Variants in EPHA10 observed in about 807,000 individuals in gnomAD.
EPHA10 encodes the protein EPH receptor A10.
In EPHA10, 120 loss-of-function variants were observed where a neutral mutation model predicts 109.7. The ratio of observed to expected loss-of-function variants is 1.09; its 90% CI spans 0.94 to 1.27. The LOEUF (loss-of-function observed/expected upper bound fraction) is 1.27. Among genes scored for constraint, EPHA10 ranks in the 50% most tolerant of loss-of-function variants. The pLI is 0.00. For missense variants in EPHA10, 1,396 were observed against 1,411.1 expected, an observed-to-expected ratio of 0.99 and a Z score of 0.17; for synonymous variants, 640 against 618.9, an observed-to-expected ratio of 1.03 and a Z score of -0.51.
At chr1:37,743,834 T>C (rs1036669860) in intron 5 of EPHA10, among the ~76,000 whole-genome samples, 1 of 152,162 alleles carries the variant, frequency 6.6e-6, no homozygotes, top group Admixed American at 6.5e-5. Flanking sequence ...TTTCAACTTA[T>C]AATAAGCCCA....
chr1:37,720,551 G>A lies in EPHA10; in HGVS notation c.2212C>T (p.His738Tyr). Residue 738 changes from histidine to tyrosine, a missense_variant, in exon 13 of 17, where the codon CAC becomes TAC. His to Tyr is a moderately conservative substitution (Grantham distance 83). Coordinates refer to ENST00000373048, the MANE Select transcript of EPHA10 (RefSeq NM_001099439.2). ...HGALDGFLRR[H>Y]EGQLVAGQLM... The stretch of plus-strand genomic sequence containing the variant: ...TGCCCAGCCACCAGCTGCCCCTCGT[G>A]CCGCTGTGGAGGGAGAAGACTGAGG... 1.2e-6 allele frequency: 2 copies of A among 1,609,332 alleles called. No individual in the cohort carries two copies. Among genetic ancestry groups the A allele is most frequent in the Non-Finnish European group, 1.7e-6 (2 of 1,178,070 alleles).
In EPHA10 at chr1:37,748,214, C is replaced by T. The variant is rs142940072; in HGVS notation, c.1357+4662G>A. On this transcript the variant is annotated intron_variant, in intron 5 of 16. Transcript: ENST00000373048. ...TGTTTACTAAAAATACAAAAATTAG[C>T]TGGGCGTGGTGGTGGTTGCCTATAA... is the stretch of plus-strand genomic sequence containing the variant. Among the ~76,000 whole-genome samples the T allele has an allele frequency of 5.0e-3, 764 of 152,180 alleles. 6 individuals carry two copies. The highest frequency in any genetic ancestry group is 0.017 in the African/African-American group (723 of 41,508).
chr1:37,719,565 T>C lies in EPHA10; in HGVS notation c.2605A>G (p.Arg869Gly), dbSNP rs956776760. The change falls in exon 15 of 17, where the codon AGG becomes GGG. Residue 869 changes from arginine (R) to glycine (G), a missense_variant. By Grantham distance (125) the Arg-to-Gly change is moderately radical (BLOSUM62 -2). Transcript: ENST00000373048. ...CGGTGCAGAAGGTTAGGACAGTTCC[T>C]GGGGGGTGGCAGCCGGAAGCCATCC... is the stretch of plus-strand genomic sequence containing the variant. ...VEDGFRLPPP[R>G]NCPNLLHRLM... 3 of 1,613,638 alleles carry C rather than the reference T, an allele frequency of 1.9e-6. No homozygotes were observed. The highest frequency in any genetic ancestry group is 1.3e-5 in the African/African-American group (1 of 74,882).
Position 37,752,882 on chromosome 1 carries a change from G to A in EPHA10, c.1351C>T (p.Pro451Ser). The change falls in exon 5 of 17, where the codon CCC becomes TCC. Residue 451 changes from proline (P) to serine (S), a missense_variant. Coordinates refer to ENST00000373048, the MANE Select transcript of EPHA10 (RefSeq NM_001099439.2). Reference sequence around the variant, plus strand: ...GGGGCGCGGACGGCCTTACCCCCGGGCCCGGTGGAGACGGTGACCTGCGCG... The same window carrying A: ...GGGGCGCGGACGGCCTTACCCCCGGACCCGGTGGAGACGGTGACCTGCGCG... ...TYAQVTVSTGPGAPWEEDEIR... is the reference protein window; with the variant it reads ...TYAQVTVSTGSGAPWEEDEIR... The A allele has an allele frequency of 2.3e-6, 3 of 1,295,990 alleles. No homozygotes were observed. The highest frequency in any genetic ancestry group is 2.3e-5 in the South Asian group (1 of 43,248). The allele number at this position is 1,295,990 out of a possible 1,614,324, so 80.3% of individuals were successfully genotyped here.
intron 6 of EPHA10, chr1:37,734,550 A>G (rs977281727): frequency 4.7e-6 from 2 of 421,246 alleles, no homozygotes; most frequent in Non-Finnish European, 9.3e-6. Context: ...AAATAAATAA[A>G]TAAATAAATA....
At chr1:37,719,834 C>A in intron 14 of EPHA10, 75 bp downstream of exon 14, 1 of 1,607,874 alleles carries the variant, frequency 6.2e-7, no homozygotes. Context: ...TGAGGGCCAA[C>A]GGGCAGAGGT....
At chr1:37,718,547 G>A in intron 16 of EPHA10, 61 bp from the exon 17 acceptor site, 1 of 1,610,846 alleles carries the variant, frequency 6.2e-7, no homozygotes, top group Non-Finnish European at 8.5e-7. Flanking sequence ...CTCCCATGAA[G>A]GCCCTCCACT....
chr1:37,757,667 T>TTCTC (rs768332938), intron 3 of EPHA10, among the ~76,000 whole-genome samples: 1 of 151,186 alleles, frequency 6.6e-6, no homozygotes, highest in Non-Finnish European at 1.5e-5. Context: ...CTGAGTCTCT[T>TTCTC]TCTCTCTCTC....
intron 15 of EPHA10, 53 bp from the exon 16 acceptor site, chr1:37,718,869 C>T: frequency 1.3e-6 from 2 of 1,549,378 alleles, no homozygotes; most frequent in Non-Finnish European, 1.7e-6. Context: ...GGGCCCACAC[C>T]TGGTGGTCTC....
chr1:37,761,699 G>A lies in EPHA10; in HGVS notation c.556C>T (p.Arg186Trp), dbSNP rs1376015481. The A allele has an allele frequency of 6.2e-6, 10 of 1,612,826 alleles. No homozygotes were observed. In the South Asian group the frequency reaches 9.9e-5, roughly 16 times the overall value. Residue 186 changes from arginine (R) to tryptophan (W), a missense_variant, in exon 3 of 17, where the codon CGG becomes TGG. Transcript: ENST00000373048. The stretch of plus-strand genomic sequence containing the variant: ...TCCTGAAAGGCCAGGTGGAAACCCC[G>A]CCGGCTGAGCGGTCCGATCTCGCGC... ...EVREIGPLSR[R>W]GFHLAFQDVG...
chr1:37,753,745 C>A (rs1646366165), intron 4 of EPHA10, among the ~76,000 whole-genome samples: 1 of 147,748 alleles, frequency 6.8e-6, no homozygotes, highest in Non-Finnish European at 1.5e-5. Flanking sequence ...GGGGCTTGCC[C>A]CGGGAAGGGT....
rs146018805 is a variant in EPHA10, at chr1:37,751,122, G to A, written c.1357+1754C>T. Among the ~76,000 whole-genome samples, 1,088 of 142,106 alleles carry A rather than the reference G, an allele frequency of 7.7e-3. 9 individuals carry two copies. Among genetic ancestry groups the A allele is most frequent in the Non-Finnish European group, 9.8e-3 (649 of 66,182 alleles). The allele number at this position is 142,106 out of a possible 152,430, so 93.2% of individuals were successfully genotyped here. A position where few individuals can be genotyped will look rare whatever the true frequency, so the allele number is the denominator to read the frequency against. On this transcript the variant is annotated intron_variant, in intron 5 of 16. Coordinates refer to ENST00000373048, the MANE Select transcript of EPHA10 (RefSeq NM_001099439.2). ...CAGGAGGCTGAGGCAGGAGAATGGC[G>A]TGAACCCCAGACGCGGAGCTTGTAG...
At chr1:37,760,737 G>A (rs949006193) in intron 3 of EPHA10, 3 of 199,322 alleles carry the variant, frequency 1.5e-5, no homozygotes, top group Non-Finnish European at 3.1e-5. Context: ...TTGCAAGTGA[G>A]GTACTAATCT....
At position 37,720,782 on chromosome 1, in the gene EPHA10, C is replaced by A; in HGVS notation, c.2208+1G>T. The A allele has an allele frequency of 6.2e-7, 1 of 1,614,054 alleles. No homozygotes were observed. On this transcript the variant is annotated splice_donor_variant, in intron 12 of 16. Transcript: ENST00000373048. LOFTEE classifies it high-confidence loss of function. Reference sequence around the variant, plus strand: ...TCATTGGCAGCCCCAGGGCCACTCACCCTGAGGAAGCCGTCCAGGGCCCCA... The same window carrying A: ...TCATTGGCAGCCCCAGGGCCACTCAACCTGAGGAAGCCGTCCAGGGCCCCA...
In EPHA10 at chr1:37,731,351, C is replaced by T. The variant is rs1031628744; in HGVS notation, c.1663+60G>A. On this transcript the variant is annotated intron_variant, in intron 7 of 16. Transcript: ENST00000373048. ...TCTCCCCCTCTATTTGTCTCCCTAC[C>T]TCAGCCCCGTGCAGGGTTCTCTCTG... 47 of 1,486,574 alleles carry T rather than the reference C, an allele frequency of 3.2e-5. No individual in the cohort carries two copies. The South Asian group carries it at 5.2e-4, about 16-fold the overall frequency. 92.1% of individuals were successfully genotyped at this position (1,486,574 alleles called of 1,614,324 possible). A position where few individuals can be genotyped will look rare whatever the true frequency, so the allele number is the denominator to read the frequency against.
intron 6 of EPHA10, among the ~76,000 whole-genome samples, chr1:37,734,360 C>T (rs944982367): frequency 6.6e-6 from 1 of 152,016 alleles, no homozygotes; most frequent in Non-Finnish European, 1.5e-5. Context: ...ACGATGAAAC[C>T]TCGTCTCTAC....
rs551300729 is a variant in EPHA10, at chr1:37,717,738, G to A, written c.*634C>T. 4.3e-5 allele frequency: 10 copies of A among 231,412 alleles called. No individual in the cohort carries two copies. Among genetic ancestry groups the A allele is most frequent in the Non-Finnish European group, 8.5e-5 (10 of 117,004 alleles). The allele number at this position is 231,412 out of a possible 1,614,324, so 14.3% of individuals were successfully genotyped here. ...TGTCAGCCCAAGGCAGGGGGACACA[G>A]AAACCAGATCCTGAGTCTAGGGCTC... On this transcript the variant is annotated 3_prime_UTR_variant, in exon 17 of 17. Transcript: ENST00000373048.
chr1:37,745,903 C>G (rs950856395), intron 5 of EPHA10, among the ~76,000 whole-genome samples: 23 of 151,906 alleles, frequency 1.5e-4, no homozygotes, highest in Admixed American at 1.5e-3. Flanking sequence ...CCACCTTTGG[C>G]TTTCATAACA....
rs763581741 is a variant in EPHA10 at position 37,754,568 on chromosome 1, C to T, written c.851-198G>A. 9.9e-5 allele frequency among the ~76,000 whole-genome samples: 15 copies of T among 152,140 alleles called. No individual in the cohort carries two copies. Among genetic ancestry groups the T allele is most frequent in the Non-Finnish European group, 1.9e-4 (13 of 68,032 alleles). Reference sequence around the variant, plus strand: ...CTACCCTTAGAAAACGCTGTGTGTTCGGAAAACTTTGAAACATTTTACTTT... The same window carrying T: ...CTACCCTTAGAAAACGCTGTGTGTTTGGAAAACTTTGAAACATTTTACTTT... On this transcript the variant is annotated intron_variant, in intron 3 of 16. Coordinates refer to ENST00000373048, the MANE Select transcript of EPHA10 (RefSeq NM_001099439.2). The surrounding 1 kb of genome is among the most constrained non-coding windows in gnomAD (Gnocchi z 4.5).
Sources: allele counts gnomAD v4.1 joint callset (sites outside exome capture counted in the v4.1 genomes callset), GRCh38; gene constraint gnomAD v4.1.1; non-coding constraint Gnocchi (gnomAD v3.1); transcripts MANE v1.5; gene names NCBI Gene and HGNC (gene_info 2026-07-23, HGNC 2026-07-21).